The following TP53BP1 variants were observed in gnomAD, a reference collection of about 807,000 sequenced individuals.
TP53BP1 encodes the protein TP53-binding protein 1.
In TP53BP1, 61 loss-of-function variants were observed where a neutral mutation model predicts 200.8. The observed-to-expected ratio is 0.30, with a 90% CI of 0.25 to 0.38. The LOEUF (loss-of-function observed/expected upper bound fraction) is 0.38. Ranked by LOEUF, TP53BP1 falls within the 10% of genes least tolerant of loss-of-function variation. TP53BP1 has a pLI of 1.00. For missense variants in TP53BP1, 2,144 were observed against 2,371.9 expected, an observed-to-expected ratio of 0.90 and a Z score of 2.00; for synonymous variants, 822 against 844.3, an observed-to-expected ratio of 0.97 and a Z score of 0.46.
rs768101569 is a variant in TP53BP1 at position 43,492,324 on chromosome 15, T to C, written c.152A>G (p.His51Arg). ...TTTGTGCGTCTGGAGATTAGGAAGG[T>C]GTCGAGATAGCATACTGAAGTGAGA... ...SGSHFSMLSR[H>R]LPNLQTHKEN... The change falls in exon 2 of 28, where the codon CAC (histidine) becomes CGC (arginine). Residue 51 changes from histidine (H) to arginine (R), a missense_variant. Coordinates refer to ENST00000382044, the MANE Select transcript of TP53BP1 (RefSeq NM_001141980.3). 1.2e-6 allele frequency: 2 copies of C among 1,613,970 alleles called. No homozygotes were observed. The highest frequency in any genetic ancestry group is 2.7e-5 in the African/African-American group (2 of 74,880).
intron 12 of TP53BP1, among the ~76,000 whole-genome samples, chr15:43,448,002 T>C (rs1431878439): frequency 6.6e-6 from 1 of 152,184 alleles, no homozygotes; most frequent in African/African-American, 2.4e-5. Flanking sequence ...TCTCACGGGT[T>C]AAAGGACTTC....
rs1457819181 is a variant in TP53BP1, at chr15:43,439,343, A to G, written c.3099-927T>C. On this transcript the variant is annotated intron_variant, in intron 15 of 27. Coordinates refer to ENST00000382044, the MANE Select transcript of TP53BP1 (RefSeq NM_001141980.3). ...ACTTGAGCTTCAGGAGTTAGAGACT[A>G]GCCTGGGCAACATGACGAAACCCCA... Among the ~76,000 whole-genome samples the G allele has an allele frequency of 2.0e-5, 3 of 152,200 alleles. No individual in the cohort carries two copies. In the East Asian group the frequency reaches 5.8e-4, roughly 29 times the overall value.
rs2045418511 is a variant in TP53BP1, at chr15:43,422,115, C to T, written c.3840G>A (p.Glu1280=). Residue 1280 remains glutamate (E), a synonymous_variant, in exon 19 of 28, where the codon GAG becomes GAA. Coordinates refer to ENST00000382044, the MANE Select transcript of TP53BP1 (RefSeq NM_001141980.3). ...CACACTCCTGACACTCTACAATTGG[C>T]TCTTCAGTCTCCTGCAAGGAAAAAA... is the stretch of plus-strand genomic sequence containing the variant. ...VERKVTEETE[E]PIVECQECET... 2 of 1,613,642 alleles carry T rather than the reference C, an allele frequency of 1.2e-6. No individual in the cohort carries two copies. Among genetic ancestry groups the T allele is most frequent in the Non-Finnish European group, 1.7e-6 (2 of 1,179,840 alleles).
intron 1 of TP53BP1, 50 bp from the exon 2 acceptor site, chr15:43,492,518 T>G: frequency 6.6e-7 from 1 of 1,516,410 alleles, no homozygotes; most frequent in Non-Finnish European, 9.0e-7. Flanking sequence ...CTAGCCTTGC[T>G]CACGCAGTCT....
At chr15:43,489,146 T>A (rs2079086849) in intron 4 of TP53BP1, among the ~76,000 whole-genome samples, 1 of 152,220 alleles carries the variant, frequency 6.6e-6, no homozygotes, top group South Asian at 2.1e-4. Flanking sequence ...TTATATATAT[T>A]TTTTCTCCTC....
In TP53BP1 at chr15:43,469,868, T is replaced by C; in HGVS notation, c.1379A>G (p.Gln460Arg). 4.3e-6 allele frequency: 7 copies of C among 1,612,974 alleles called. No homozygotes were observed. Among genetic ancestry groups the C allele is most frequent in the Non-Finnish European group, 5.9e-6 (7 of 1,179,308 alleles). Residue 460 changes from glutamine (Q) to arginine (R), a missense_variant, in exon 11 of 28, where the codon CAG (glutamine) becomes CGG (arginine). This residue lies in a region of TP53BP1 where 1,700 missense variants were observed against 1,710.3 expected (regional missense o/e 0.99). Transcript: ENST00000382044. ...TTTTACAATACTCACATGAGAAAAC[T>C]GAGGCTGGGATGGGATAGGAAGTGA... ...PGSLPIPSQP[Q>R]FSHDIFIPSP...
chr15:43,492,211 A>G (rs181962585), intron 2 of TP53BP1, 73 bp downstream of exon 2: 17 of 1,522,960 alleles, frequency 1.1e-5, no homozygotes, highest in Non-Finnish European at 1.5e-5. Flanking sequence ...GATCTTCTAA[A>G]TACTTATGTT....
Position 43,432,285 on chromosome 15 carries a change from C to T in TP53BP1, c.3584G>A (p.Gly1195Glu), listed in dbSNP as rs2045688924. 4 of 1,614,174 alleles carry T rather than the reference C, an allele frequency of 2.5e-6. No individual in the cohort carries two copies. The highest frequency in any genetic ancestry group is 2.2e-5 in the East Asian group (1 of 44,882). Residue 1195 changes from glycine to glutamate, a missense_variant, in exon 17 of 28, where the codon GGA becomes GAA. Physicochemically the swap from Gly to Glu is moderately conservative, Grantham distance 98. Around this residue, in one of 4 missense-constraint regions of TP53BP1, gnomAD observed 1,700 missense variants for 1,710.3 expected, o/e 0.99. Coordinates refer to ENST00000382044, the MANE Select transcript of TP53BP1 (RefSeq NM_001141980.3). ...QGTSTVDQNF[G>E]KQDATVQTER... is the part of the protein sequence containing the mutation. The stretch of plus-strand genomic sequence containing the variant: ...AGTCTGAACTGTGGCATCTTGCTTT[C>T]CAAAGTTCTGGTCCACTGTACTGGT...
intron 12 of TP53BP1, among the ~76,000 whole-genome samples, chr15:43,449,435 G>A (rs1294171502): frequency 6.6e-6 from 1 of 152,196 alleles, no homozygotes; most frequent in Non-Finnish European, 1.5e-5. Context: ...CAATATGCAA[G>A]CATTAATCGC....
chr15:43,491,969 T>G (rs1435655325), intron 3 of TP53BP1, 33 bp downstream of exon 3: 1 of 1,546,098 alleles, frequency 6.5e-7, no homozygotes, highest in Non-Finnish European at 8.9e-7. Context: ...ACCCAAAAAA[T>G]GCAAAGGGGA....
Position 43,491,727 on chromosome 15 carries a change from T to C in TP53BP1, c.313A>G (p.Thr105Ala), listed in dbSNP as rs1457957260. ...ATGACCTGACTGATGGAACCACATG[T>C]GTCCAAGTTAGAAGAATCCACAGGG... ...ADPVDSSNLD[T>A]CGSISQVIEQ... Residue 105 changes from threonine to alanine, a missense_variant, in exon 4 of 28, where the codon ACA becomes GCA. Thr to Ala is a moderately conservative substitution (Grantham distance 58). Transcript: ENST00000382044. The C allele has an allele frequency of 1.2e-6, 2 of 1,614,124 alleles. No individual in the cohort carries two copies. Among genetic ancestry groups the C allele is most frequent in the Non-Finnish European group, 1.7e-6 (2 of 1,179,988 alleles).
chr15:43,488,150 T>C (rs572551030), intron 4 of TP53BP1, among the ~76,000 whole-genome samples: 146 of 151,682 alleles, frequency 9.6e-4, no homozygotes, highest in Non-Finnish European at 1.7e-3. Flanking sequence ...AGTTAAAAAA[T>C]TAGTTGGGTG....
At chr15:43,415,424 G>A (rs1361893146) in intron 23 of TP53BP1, 170 bp downstream of exon 23, 1 of 735,478 alleles carries the variant, frequency 1.4e-6, no homozygotes, top group Non-Finnish European at 2.4e-6. Context: ...GGATGGGGGA[G>A]GAGGGATACA....
chr15:43,425,527 G>A (rs2045506309), intron 18 of TP53BP1, among the ~76,000 whole-genome samples: 1 of 152,182 alleles, frequency 6.6e-6, no homozygotes, highest in African/African-American at 2.4e-5. Context: ...AGGCTGAGGT[G>A]GGAGGCTCCC....
chr15:43,405,494 T>C lies in TP53BP1; in HGVS notation c.*1889A>G, dbSNP rs987480724. 24 of 516,896 alleles carry C rather than the reference T, an allele frequency of 4.6e-5. No individual in the cohort carries two copies. The highest frequency in any genetic ancestry group is 8.0e-5 in the Non-Finnish European group (23 of 289,044). 32.0% of individuals were successfully genotyped at this position (516,896 alleles called of 1,614,324 possible). ...TGTTCATTTATTCAATAGTCATTTATTGAGCACCTACTACGTACCTTGGTA... is the reference window on the plus strand; with the variant it reads ...TGTTCATTTATTCAATAGTCATTTACTGAGCACCTACTACGTACCTTGGTA... On this transcript the variant is annotated 3_prime_UTR_variant, in exon 28 of 28. Transcript: ENST00000382044.
chr15:43,423,645 G>C (rs907542424), intron 18 of TP53BP1, among the ~76,000 whole-genome samples: 1 of 146,798 alleles, frequency 6.8e-6, no homozygotes, highest in African/African-American at 2.6e-5. Context: ...ACAACAGAGT[G>C]AGACTCCACC....
At chr15:43,491,807 T>C in intron 3 of TP53BP1, 54 bp from the exon 4 acceptor site, 1 of 1,435,522 alleles carries the variant, frequency 7.0e-7, no homozygotes, top group Non-Finnish European at 9.8e-7. Context: ...CAAACCTTAA[T>C]ACAAAATCAG....
At chr15:43,492,614 T>G in intron 1 of TP53BP1, 146 bp from the exon 2 acceptor site, 7 of 643,690 alleles carry the variant, frequency 1.1e-5, no homozygotes, top group Non-Finnish European at 1.9e-5. Flanking sequence ...TATTTATAAT[T>G]GCTGCAAGCA....
At chr15:43,464,150 CTT>C (rs1255842193) in intron 11 of TP53BP1, among the ~76,000 whole-genome samples, 1 of 152,210 alleles carries the variant, frequency 6.6e-6, no homozygotes, top group Non-Finnish European at 1.5e-5. Context: ...ATATTTCACT[CTT>C]GAACATCAGC....
Sources: allele counts gnomAD v4.1 joint callset (sites outside exome capture counted in the v4.1 genomes callset), GRCh38; gene constraint gnomAD v4.1.1; regional missense constraint gnomAD v4.1.1; transcripts MANE v1.5; gene names NCBI Gene and HGNC (gene_info 2026-07-23, HGNC 2026-07-21).